LHCGR: variants seen among roughly 807,000 people sequenced by gnomAD.
LHCGR encodes luteinizing hormone/choriogonadotropin receptor.
Under a neutral mutation model 60.7 loss-of-function variants are expected in LHCGR, and 55 were observed. The observed-to-expected ratio is 0.91, with a 90% confidence interval of 0.73 to 1.13. The LOEUF (loss-of-function observed/expected upper bound fraction) is 1.13, where lower values mean the gene tolerates loss of function less well. Among genes scored for constraint, LHCGR ranks in the 50% most tolerant of loss-of-function variants. LHCGR has a pLI of 0.00. For missense variants in LHCGR, 862 were observed against 836.0 expected, an observed-to-expected ratio of 1.03 and a Z score of -0.38; for synonymous variants, 337 against 316.5, an observed-to-expected ratio of 1.06 and a Z score of -0.69.
At chr2:48,748,071 C>T (rs189584692) in intron 1 of LHCGR, among the ~76,000 whole-genome samples, 2 of 152,184 alleles carry the variant, frequency 1.3e-5, no homozygotes, top group African/African-American at 2.4e-5. Context: ...CCTCTGAGGC[C>T]TCTTTGTTAC....
intron 2 of LHCGR, 87 bp from the exon 3 acceptor site, chr2:48,729,314 A>C: frequency 1.0e-6 from 1 of 960,192 alleles, no homozygotes; most frequent in Non-Finnish European, 1.7e-6. Flanking sequence ...GTGTGACCCA[A>C]CAACTGGGGA....
rs1679964621 is a variant in LHCGR, at chr2:48,687,710, T to C, written c.2087A>G (p.Tyr696Cys). ...QGTALLDKTRYTEC is the reference protein window; with the variant it reads ...QGTALLDKTRCTEC The stretch of plus-strand genomic sequence containing the variant: ...CTGATGTAACAGTTAACACTCTGTG[T>C]AGCGAGTCTTGTCTAGGAGAGCTGT... The change falls in exon 11 of 11, where the codon TAC becomes TGC. Residue 696 changes from tyrosine (Y) to cysteine (C), a missense_variant. Tyr to Cys is a radical substitution (Grantham distance 194, BLOSUM62 -2). Coordinates refer to ENST00000294954, the MANE Select transcript of LHCGR (RefSeq NM_000233.4). 1 of 1,613,232 alleles carries C rather than the reference T, an allele frequency of 6.2e-7. No homozygotes were observed. The highest frequency in any genetic ancestry group is 8.5e-7 in the Non-Finnish European group (1 of 1,179,322).
chr2:48,754,120 AT>A (rs150543222), intron 1 of LHCGR, among the ~76,000 whole-genome samples: 166 of 152,338 alleles, frequency 1.1e-3, no homozygotes, highest in African/African-American at 3.8e-3. Context: ...AACAAATTCT[AT>A]CAGCATGGTC....
chr2:48,720,891 C>T (rs1259512746), intron 6 of LHCGR: 1 of 152,166 alleles, frequency 6.6e-6, no homozygotes, highest in Non-Finnish European at 1.5e-5. Flanking sequence ...TACTTAAAAA[C>T]AGTGCAGGTA....
intron 9 of LHCGR, among the ~76,000 whole-genome samples, chr2:48,697,965 G>A (rs1247865667): frequency 6.6e-6 from 1 of 152,140 alleles, no homozygotes; most frequent in Non-Finnish European, 1.5e-5. Flanking sequence ...ATTTGTTACT[G>A]TGCATCTCAG....
intron 1 of LHCGR, among the ~76,000 whole-genome samples, chr2:48,746,850 C>G (rs1669729681): frequency 6.6e-6 from 1 of 152,166 alleles, no homozygotes. Flanking sequence ...GTAAATAAAA[C>G]TACATGTTGG....
intron 6 of LHCGR, among the ~76,000 whole-genome samples, chr2:48,715,645 G>C (rs1236957333): frequency 1.3e-5 from 2 of 152,144 alleles, no homozygotes; most frequent in African/African-American, 2.4e-5. Context: ...TTCACTTTGT[G>C]GGGTGTGAGT....
At chr2:48,748,589 A>G (rs532976663) in intron 1 of LHCGR, among the ~76,000 whole-genome samples, 35 of 152,348 alleles carry the variant, frequency 2.3e-4, no homozygotes, top group South Asian at 6.2e-4. Context: ...CCTCCCAGGA[A>G]CAAAACTGTT....
At chr2:48,722,770 G>A (rs1668558300) in intron 6 of LHCGR, among the ~76,000 whole-genome samples, 1 of 152,154 alleles carries the variant, frequency 6.6e-6, no homozygotes. Context: ...AAATTACCCA[G>A]TCTCAGGTAG....
At chr2:48,716,106 T>A (rs1668238897) in intron 6 of LHCGR, among the ~76,000 whole-genome samples, 2 of 151,972 alleles carry the variant, frequency 1.3e-5, no homozygotes, top group South Asian at 4.2e-4. Flanking sequence ...TTTCATCCCT[T>A]TCTATATTGC....
intron 6 of LHCGR, 53 bp downstream of exon 6, chr2:48,723,403 G>A (rs1668584808): frequency 1.6e-6 from 2 of 1,252,550 alleles, no homozygotes; most frequent in South Asian, 2.4e-5. Context: ...CAACCTAGTA[G>A]TGAGACTAGC....
In LHCGR at chr2:48,725,585, A is replaced by G. The variant is rs560046407; in HGVS notation, c.383+91T>C. 23 of 926,896 alleles carry G rather than the reference A, an allele frequency of 2.5e-5. No homozygotes were observed. The African/African-American group carries it at 2.6e-4, about 10-fold the overall frequency. 57.4% of individuals were successfully genotyped at this position (926,896 alleles called of 1,614,324 possible). On this transcript the variant is annotated intron_variant, in intron 4 of 10. Coordinates refer to ENST00000294954, the MANE Select transcript of LHCGR (RefSeq NM_000233.4). The stretch of plus-strand genomic sequence containing the variant: ...TGCAAATAGTGCCATGTATATGGTT[A>G]AACAAAATCTTTCCAACCTTTTCCT...
At chr2:48,747,543 T>C (rs141281756) in intron 1 of LHCGR, among the ~76,000 whole-genome samples, 102 of 152,326 alleles carry the variant, frequency 6.7e-4, no homozygotes, top group African/African-American at 2.2e-3. Flanking sequence ...GGTGGAAGAA[T>C]CTTGCTGACT....
chr2:48,749,446 G>T (rs1031212682), intron 1 of LHCGR, among the ~76,000 whole-genome samples: 16 of 152,200 alleles, frequency 1.1e-4, no homozygotes, highest in African/African-American at 3.9e-4. Flanking sequence ...CTCCCATGGA[G>T]CCAGCCCTCT....
At chr2:48,691,803 G>A (rs1666856819) in intron 10 of LHCGR, among the ~76,000 whole-genome samples, 2 of 146,044 alleles carry the variant, frequency 1.4e-5, no homozygotes, top group South Asian at 4.3e-4. Flanking sequence ...CTGAGATCGT[G>A]CCACTGCACT....
chr2:48,739,778 G>A (rs1168637942), intron 1 of LHCGR, among the ~76,000 whole-genome samples: 4 of 152,016 alleles, frequency 2.6e-5, no homozygotes, highest in Non-Finnish European at 2.9e-5. Flanking sequence ...AAACCTGCAT[G>A]TTGTGTACAT....
At chr2:48,696,433 T>C (rs1667117477) in intron 9 of LHCGR, among the ~76,000 whole-genome samples, 1 of 152,240 alleles carries the variant, frequency 6.6e-6, no homozygotes, top group Non-Finnish European at 1.5e-5. Flanking sequence ...GACATTTGCC[T>C]ATTTTCCTTT....
At chr2:48,732,881 C>G (rs368108187) in intron 1 of LHCGR, 6 of 534,402 alleles carry the variant, frequency 1.1e-5, no homozygotes, top group African/African-American at 9.6e-5. Context: ...GTCTCTGATT[C>G]TATTCCCGAA....
At chr2:48,704,560 T>A (rs1667570765) in intron 8 of LHCGR, among the ~76,000 whole-genome samples, 1 of 152,240 alleles carries the variant, frequency 6.6e-6, no homozygotes, top group African/African-American at 2.4e-5. Flanking sequence ...ATTGCCTCAA[T>A]TTCAGGACCT....
Sources: allele counts gnomAD v4.1 joint callset (sites outside exome capture counted in the v4.1 genomes callset), GRCh38; gene constraint gnomAD v4.1.1; transcripts MANE v1.5; gene names NCBI Gene and HGNC (gene_info 2026-07-23, HGNC 2026-07-21).